The following SNRPG variants were observed in gnomAD, a reference collection of about 807,000 sequenced individuals.
SNRPG encodes small nuclear ribonucleoprotein G.
A neutral mutation model predicts 13.9 loss-of-function variants in SNRPG; 3 were observed. The observed-to-expected ratio is 0.22, with a 90% CI of 0.10 to 0.56. SNRPG has a LOEUF of 0.56. Among genes scored for constraint, SNRPG ranks in the 20% least tolerant of loss-of-function variants. The pLI is 0.93. For missense variants in SNRPG, 34 were observed against 96.1 expected (o/e 0.35, Z 2.70); for synonymous variants, 29 against 29.3 (o/e 0.99, Z 0.03).
chr2:70,285,846 G>A (rs1374162865), intron 3 of SNRPG, among the ~76,000 whole-genome samples: 1 of 152,148 alleles, frequency 6.6e-6, no homozygotes, highest in African/African-American at 2.4e-5. Flanking sequence ...TAAGATAGAG[G>A]CGATGCCACT....
intron 1 of SNRPG, among the ~76,000 whole-genome samples, chr2:70,290,445 A>G (rs1372778337): frequency 6.6e-6 from 1 of 152,168 alleles, no homozygotes; most frequent in African/African-American, 2.4e-5. Flanking sequence ...GTGGAATACG[A>G]GATTAAGCCA....
chr2:70,290,192 AAAAC>A (rs925062640), intron 1 of SNRPG, among the ~76,000 whole-genome samples: 7 of 152,098 alleles, frequency 4.6e-5, no homozygotes, highest in Non-Finnish European at 1.0e-4. Context: ...TCACAAGAGA[AAAAC>A]AAAGACTTGC....
intron 3 of SNRPG, among the ~76,000 whole-genome samples, chr2:70,282,175 C>A (rs753844121): frequency 6.6e-6 from 1 of 152,164 alleles, no homozygotes; most frequent in Non-Finnish European, 1.5e-5. Flanking sequence ...CTCAGCCTCA[C>A]AAAGTGCTGG....
intron 3 of SNRPG, among the ~76,000 whole-genome samples, chr2:70,285,948 C>G (rs991695546): frequency 6.6e-6 from 1 of 152,156 alleles, no homozygotes; most frequent in African/African-American, 2.4e-5. Flanking sequence ...CTCCTGAAAA[C>G]AAACACATCC....
intron 2 of SNRPG, among the ~76,000 whole-genome samples, chr2:70,288,632 A>G (rs189135164): frequency 4.0e-4 from 61 of 152,264 alleles, no homozygotes; most frequent in African/African-American, 1.5e-3. Flanking sequence ...AAGGCTGCTT[A>G]CCTCTAACGC....
chr2:70,290,828 A>C (rs1426439033), intron 1 of SNRPG, among the ~76,000 whole-genome samples: 1 of 86,546 alleles, frequency 1.2e-5, no homozygotes, highest in African/African-American at 5.3e-5. Flanking sequence ...TCTACTAAAA[A>C]AAAAAAAAAA....
rs1319423527 is a variant in SNRPG, at chr2:70,282,406, C to G, written c.181-722G>C. Among the ~76,000 whole-genome samples, 3 of 152,086 alleles carry G rather than the reference C, an allele frequency of 2.0e-5. No homozygotes were observed. In the East Asian group the frequency reaches 5.8e-4, roughly 29 times the overall value. On this transcript the variant is annotated intron_variant, in intron 3 of 3. Coordinates refer to ENST00000272348, the MANE Select transcript of SNRPG (RefSeq NM_003096.4). Reference sequence around the variant, plus strand: ...ATGCTTTATGAAAATGACATTTTACCTGGGTCTTGGAAATTGGGCAGAATT... The same window carrying G: ...ATGCTTTATGAAAATGACATTTTACGTGGGTCTTGGAAATTGGGCAGAATT...
chr2:70,287,212 C>A, intron 3 of SNRPG: 1 of 667,634 alleles, frequency 1.5e-6, no homozygotes, highest in South Asian at 1.6e-5. Context: ...CTTTACTGCT[C>A]AAACTTAAAA....
chr2:70,283,454 G>C (rs1316180433), intron 3 of SNRPG, among the ~76,000 whole-genome samples: 1 of 152,160 alleles, frequency 6.6e-6, no homozygotes, highest in Non-Finnish European at 1.5e-5. Context: ...GGCAGCTAGA[G>C]TAAAAGTAGT....
At chr2:70,281,895 GATTCTA>G (rs2104906734) in intron 3 of SNRPG, among the ~76,000 whole-genome samples, 1 of 152,234 alleles carries the variant, frequency 6.6e-6, no homozygotes, top group African/African-American at 2.4e-5. Context: ...TGCTTTATGA[GATTCTA>G]ATGCCAAGTC....
Position 70,293,662 on chromosome 2 carries a change from G to T in SNRPG, c.-13C>A, listed in dbSNP as rs372874888. The T allele has an allele frequency of 6.2e-7, 1 of 1,613,818 alleles. No homozygotes were observed. Among genetic ancestry groups the T allele is most frequent in the Non-Finnish European group, 8.5e-7 (1 of 1,179,700 alleles). On this transcript the variant is annotated 5_prime_UTR_variant, in exon 1 of 4. Transcript: ENST00000272348. ...GAGCTTTGCTCATGGTGTATACTCC[G>T]CGGGCTCACAGATGCCTTGGAACGC... is the stretch of plus-strand genomic sequence containing the variant.
chr2:70,293,416 C>G (rs553027050), intron 1 of SNRPG: 95 of 642,862 alleles, frequency 1.5e-4, no homozygotes, highest in Middle Eastern at 1.3e-3. Flanking sequence ...CCGTGGCTGC[C>G]GGCTGTAACC....
chr2:70,292,034 G>C (rs1260447608), intron 1 of SNRPG, among the ~76,000 whole-genome samples: 1 of 146,746 alleles, frequency 6.8e-6, no homozygotes, highest in Non-Finnish European at 1.5e-5. Flanking sequence ...TGCAAGCTCC[G>C]CCTCCCGGGT....
chr2:70,285,837 AAGAT>A (rs1429521330), intron 3 of SNRPG, among the ~76,000 whole-genome samples: 1 of 152,220 alleles, frequency 6.6e-6, no homozygotes, highest in East Asian at 1.9e-4. Context: ...AATAAAAAGT[AAGAT>A]AGAGGCGATG....
intron 1 of SNRPG, among the ~76,000 whole-genome samples, chr2:70,291,830 T>TAAA (rs61249330): frequency 2.8e-5 from 4 of 144,566 alleles, no homozygotes; most frequent in African/African-American, 1.0e-4. Flanking sequence ...GTCTTTTTGT[T>TAAA]AAAAAAAAAA....
At chr2:70,284,821 A>G (rs1388524150) in intron 3 of SNRPG, among the ~76,000 whole-genome samples, 1 of 152,226 alleles carries the variant, frequency 6.6e-6, no homozygotes, top group East Asian at 1.9e-4. Flanking sequence ...GTCACATAAT[A>G]TTTAGAAAAT....
intron 3 of SNRPG, among the ~76,000 whole-genome samples, chr2:70,282,868 T>C (rs1308242048): frequency 6.6e-6 from 1 of 150,850 alleles, no homozygotes; most frequent in Non-Finnish European, 1.5e-5. Context: ...CCAAGGCGGG[T>C]GGATCACCTG....
At chr2:70,284,824 T>G (rs1696900066) in intron 3 of SNRPG, among the ~76,000 whole-genome samples, 1 of 152,188 alleles carries the variant, frequency 6.6e-6, no homozygotes, top group African/African-American at 2.4e-5. Context: ...ACATAATATT[T>G]AGAAAATAAG....
At chr2:70,286,327 T>C (rs1274238427) in intron 3 of SNRPG, among the ~76,000 whole-genome samples, 1 of 152,250 alleles carries the variant, frequency 6.6e-6, no homozygotes, top group East Asian at 1.9e-4. Flanking sequence ...CTGTCCTTTG[T>C]TAAACAACTT....
Sources: allele counts gnomAD v4.1 joint callset (sites outside exome capture counted in the v4.1 genomes callset), GRCh38; gene constraint gnomAD v4.1.1; transcripts MANE v1.5; gene names NCBI Gene and HGNC (gene_info 2026-07-23, HGNC 2026-07-21).